The following PGAP1 variants were observed in gnomAD, a reference collection of about 807,000 sequenced individuals.
The protein encoded by PGAP1 is GPI inositol-deacylase.
PGAP1 carries 76 observed loss-of-function variants against 127.0 expected under a neutral mutation model. That is an observed-to-expected ratio of 0.60 (90% CI 0.50 to 0.72). The LOEUF (loss-of-function observed/expected upper bound fraction) is 0.72, where lower values mean the gene tolerates loss of function less well. Ranked by LOEUF, PGAP1 falls within the 30% of genes least tolerant of loss-of-function variation. PGAP1 has a pLI of 0.00. For synonymous variants in PGAP1, 362 were observed against 366.5 expected (o/e 0.99, Z 0.14); for missense variants, 982 against 1,071.3 (o/e 0.92, Z 1.16).
At chr2:196,887,257 G>T (rs1053142034) in intron 10 of PGAP1, among the ~76,000 whole-genome samples, 1 of 152,064 alleles carries the variant, frequency 6.6e-6, no homozygotes, top group Non-Finnish European at 1.5e-5. Context: ...GGTGGTGGGC[G>T]TCTGTAGTCC....
intron 5 of PGAP1, among the ~76,000 whole-genome samples, chr2:196,899,756 G>A (rs150346096): frequency 2.1e-4 from 32 of 152,322 alleles, no homozygotes; most frequent in African/African-American, 6.7e-4. Flanking sequence ...GACTGAGATC[G>A]GGCGTAGTGG....
intron 20 of PGAP1, among the ~76,000 whole-genome samples, chr2:196,858,575 A>T (rs551117926): frequency 6.6e-6 from 1 of 152,290 alleles, no homozygotes; most frequent in Admixed American, 6.5e-5. Flanking sequence ...AAATCCAAAA[A>T]GTAGAAAGAC....
At chr2:196,902,869 G>C in intron 4 of PGAP1, 127 bp from the exon 5 acceptor site, 1 of 577,034 alleles carries the variant, frequency 1.7e-6, no homozygotes, top group South Asian at 3.1e-5. Flanking sequence ...AAACAGTTGA[G>C]TTATTCACAT....
intron 20 of PGAP1, among the ~76,000 whole-genome samples, chr2:196,863,019 T>C (rs963726785): frequency 1.3e-5 from 2 of 152,112 alleles, no homozygotes; most frequent in African/African-American, 4.8e-5. Flanking sequence ...CAATGAGATA[T>C]TACCTCACCC....
intron 1 of PGAP1, among the ~76,000 whole-genome samples, chr2:196,921,230 G>A (rs1246871574): frequency 6.7e-6 from 1 of 150,230 alleles, no homozygotes; most frequent in Non-Finnish European, 1.5e-5. Flanking sequence ...ACAAAATTCT[G>A]ATCATTTGTG....
At chr2:196,879,733 T>C (rs1008827014) in intron 13 of PGAP1, among the ~76,000 whole-genome samples, 3 of 152,146 alleles carry the variant, frequency 2.0e-5, no homozygotes, top group Non-Finnish European at 4.4e-5. Flanking sequence ...TCTTCATTTG[T>C]GTGCCTCCTA....
At chr2:196,852,097 A>T (rs62185638) in intron 20 of PGAP1, among the ~76,000 whole-genome samples, 14,683 of 152,234 alleles carry the variant, frequency 0.096, 744 homozygotes, top group South Asian at 0.13. Context: ...TTCATAAACC[A>T]GTGAGTTTGT....
intron 14 of PGAP1, among the ~76,000 whole-genome samples, chr2:196,874,698 T>C (rs1701508071): frequency 6.6e-6 from 1 of 152,136 alleles, no homozygotes; most frequent in South Asian, 2.1e-4. Context: ...TTGGCAAAAA[T>C]ACATAACCTC....
chr2:196,848,058 A>G (rs371704124), intron 20 of PGAP1, 21 bp from the exon 21 acceptor site: 9 of 1,541,852 alleles, frequency 5.8e-6, no homozygotes, highest in African/African-American at 2.8e-5. Context: ...AAAAAAAGTT[A>G]CATGCAATTT....
At chr2:196,895,783 G>A (rs1194314129) in intron 7 of PGAP1, among the ~76,000 whole-genome samples, 1 of 152,136 alleles carries the variant, frequency 6.6e-6, no homozygotes, top group Non-Finnish European at 1.5e-5. Flanking sequence ...TAAGAATTAA[G>A]TATTACCTGG....
chr2:196,902,884 C>T lies in PGAP1; in HGVS notation c.650-142G>A, dbSNP rs1702543390. ...AAACAGTTGAGTTATTCACATTTCC[C>T]TATTTTCAGTAAAATCAGTATCTTT... On this transcript the variant is annotated intron_variant, in intron 4 of 26. Coordinates refer to ENST00000354764, the MANE Select transcript of PGAP1 (RefSeq NM_024989.4). 2.8e-5 allele frequency: 15 copies of T among 543,526 alleles called. No individual in the cohort carries two copies. In the Admixed American group the frequency reaches 5.7e-4, roughly 21 times the overall value. 33.7% of individuals were successfully genotyped at this position (543,526 alleles called of 1,614,324 possible). A position where few individuals can be genotyped will look rare whatever the true frequency, so the allele number is the denominator to read the frequency against.
chr2:196,913,649 C>T (rs1379694439), intron 3 of PGAP1, among the ~76,000 whole-genome samples: 2 of 152,158 alleles, frequency 1.3e-5, no homozygotes, highest in Non-Finnish European at 2.9e-5. Context: ...AGTCTCATTA[C>T]CAAACTTTTG....
At chr2:196,902,961 T>A (rs1244958047) in intron 4 of PGAP1, among the ~76,000 whole-genome samples, 1 of 152,052 alleles carries the variant, frequency 6.6e-6, no homozygotes, top group African/African-American at 2.4e-5. Context: ...TAAGAGTTAC[T>A]AAAGGTATCA....
intron 10 of PGAP1, among the ~76,000 whole-genome samples, chr2:196,889,858 C>CAAA (rs979436427): frequency 9.1e-5 from 4 of 43,944 alleles, no homozygotes; most frequent in African/African-American, 1.6e-4. Flanking sequence ...GACTCCGTCT[C>CAAA]AAAAAAAAAA....
Position 196,833,352 on chromosome 2 carries a change from G to C in PGAP1, c.*7882C>G, listed in dbSNP as rs1462263166. The C allele has an allele frequency of 1.3e-5, 2 of 152,126 alleles. No individual in the cohort carries two copies. The highest frequency in any genetic ancestry group is 3.8e-4 in the East Asian group (2 of 5,200). 9.4% of individuals were successfully genotyped at this position (152,126 alleles called of 1,614,324 possible). On this transcript the variant is annotated 3_prime_UTR_variant, in exon 27 of 27. Coordinates refer to ENST00000354764, the MANE Select transcript of PGAP1 (RefSeq NM_024989.4). ...GTTTAAATGGAAAGATCAGCAAGGTGACAATCATTTTTTATTATATACTAC... is the reference window on the plus strand; with the variant it reads ...GTTTAAATGGAAAGATCAGCAAGGTCACAATCATTTTTTATTATATACTAC...
At chr2:196,900,852 G>C (rs1158570866) in intron 5 of PGAP1, among the ~76,000 whole-genome samples, 1 of 152,112 alleles carries the variant, frequency 6.6e-6, no homozygotes, top group Non-Finnish European at 1.5e-5. Flanking sequence ...GTGTGAACCA[G>C]AGAGGCAGAG....
chr2:196,917,011 T>G (rs574060289), intron 2 of PGAP1, among the ~76,000 whole-genome samples: 1 of 152,162 alleles, frequency 6.6e-6, no homozygotes, highest in Non-Finnish European at 1.5e-5. Flanking sequence ...GATTTGTCTT[T>G]TTCTCCTACA....
At chr2:196,916,038 A>C (rs960059014) in intron 3 of PGAP1, among the ~76,000 whole-genome samples, 2 of 152,172 alleles carry the variant, frequency 1.3e-5, no homozygotes, top group Non-Finnish European at 2.9e-5. Context: ...CCAACATCTC[A>C]AAACAGGTGC....
chr2:196,920,210 C>A, intron 1 of PGAP1, 60 bp from the exon 2 acceptor site: 4 of 1,447,038 alleles, frequency 2.8e-6, no homozygotes, highest in South Asian at 1.4e-5. Flanking sequence ...TTCAGCCTCA[C>A]CATATGCAAT....
Sources: allele counts gnomAD v4.1 joint callset (sites outside exome capture counted in the v4.1 genomes callset), GRCh38; gene constraint gnomAD v4.1.1; transcripts MANE v1.5; gene names NCBI Gene and HGNC (gene_info 2026-07-23, HGNC 2026-07-21).